SLC4A10: variants seen among roughly 807,000 people sequenced by gnomAD.
The protein encoded by SLC4A10 is solute carrier family 4 member 10.
Under a neutral mutation model 137.7 loss-of-function variants are expected in SLC4A10, and 42 were observed. That is an observed-to-expected ratio of 0.30 (90% CI 0.24 to 0.39). The LOEUF (loss-of-function observed/expected upper bound fraction) is 0.39, where lower values mean the gene tolerates loss of function less well. Ranked by LOEUF, SLC4A10 falls within the 10% of genes least tolerant of loss-of-function variation. The probability of loss-of-function intolerance (pLI) is 1.00; values close to 1 mark genes in which losing one functional copy is unlikely to be tolerated. For synonymous variants in SLC4A10, 474 were observed against 464.1 expected, an observed-to-expected ratio of 1.02 and a Z score of -0.27; for missense variants, 925 against 1,355.0, an observed-to-expected ratio of 0.68 and a Z score of 4.98.
At chr2:161,933,635 T>C (rs1216096937) in intron 15 of SLC4A10, among the ~76,000 whole-genome samples, 1 of 152,182 alleles carries the variant, frequency 6.6e-6, no homozygotes, top group Non-Finnish European at 1.5e-5. Context: ...CTTCAAGCAA[T>C]CCTCCTGCCT....
chr2:161,848,013 T>G (rs2059606973), intron 4 of SLC4A10, among the ~76,000 whole-genome samples: 1 of 152,182 alleles, frequency 6.6e-6, no homozygotes, highest in African/African-American at 2.4e-5. Context: ...GCATTCCCCT[T>G]CCTCTGCAAC....
chr2:161,652,336 T>A (rs1196177315), intron 1 of SLC4A10, among the ~76,000 whole-genome samples: 9 of 152,248 alleles, frequency 5.9e-5, no homozygotes, highest in African/African-American at 2.4e-5. Flanking sequence ...CTATGTTATT[T>A]ATTTTCTTGC....
intron 5 of SLC4A10, among the ~76,000 whole-genome samples, chr2:161,861,317 C>CA (rs1435410365): frequency 7.9e-5 from 12 of 151,962 alleles, no homozygotes; most frequent in East Asian, 3.9e-4. Flanking sequence ...GAGAAAGTCA[C>CA]AAAAAAACAA....
intron 1 of SLC4A10, among the ~76,000 whole-genome samples, chr2:161,765,802 T>C (rs1248684824): frequency 6.6e-6 from 1 of 152,022 alleles, no homozygotes; most frequent in Non-Finnish European, 1.5e-5. Context: ...CAGTACAAAA[T>C]GAAATGAAAA....
Position 161,771,118 on chromosome 2 carries a change from T to C in SLC4A10, c.130+64T>C, listed in dbSNP as rs1007388712. On this transcript the variant is annotated intron_variant, in intron 2 of 26. Coordinates refer to ENST00000446997, the MANE Select transcript of SLC4A10 (RefSeq NM_001178015.2). ...TCCAAAAGTATTTCACAGATAAATGTAGTTTGTCACATTGTGAAGAATTGC... is the reference window on the plus strand; with the variant it reads ...TCCAAAAGTATTTCACAGATAAATGCAGTTTGTCACATTGTGAAGAATTGC... The C allele has an allele frequency of 7.4e-5, 90 of 1,209,484 alleles. No homozygotes were observed. In the African/African-American group the frequency reaches 1.3e-3, roughly 17 times the overall value. 74.9% of individuals were successfully genotyped at this position (1,209,484 alleles called of 1,614,324 possible).
In SLC4A10 at chr2:161,983,447, A is replaced by C; in HGVS notation, c.*295A>C. 1.8e-6 allele frequency: 1 copy of C among 551,612 alleles called. No individual in the cohort carries two copies. The highest frequency in any genetic ancestry group is 3.4e-5 in the Admixed American group (1 of 29,168). 34.2% of individuals were successfully genotyped at this position (551,612 alleles called of 1,614,324 possible). ...TGTGAGCAGATACAATAGCCAATGC[A>C]AGAATCTGTGTGTTCCTTGCTGTAC... On this transcript the variant is annotated 3_prime_UTR_variant, in exon 27 of 27. Coordinates refer to ENST00000446997, the MANE Select transcript of SLC4A10 (RefSeq NM_001178015.2).
At chr2:161,664,746 T>C (rs2038855182) in intron 1 of SLC4A10, among the ~76,000 whole-genome samples, 1 of 151,470 alleles carries the variant, frequency 6.6e-6, no homozygotes, top group Non-Finnish European at 1.5e-5. Context: ...GTTGAGTTAA[T>C]ATAACATTAG....
chr2:161,910,943 A>G (rs62188825), intron 15 of SLC4A10, among the ~76,000 whole-genome samples: 10,174 of 152,036 alleles, frequency 0.067, 448 homozygotes, highest in East Asian at 0.13. Context: ...CCGTAGTCCC[A>G]GCATAATATT....
At chr2:161,710,742 G>A in intron 1 of SLC4A10, 1 of 454,056 alleles carries the variant, frequency 2.2e-6, no homozygotes, top group Non-Finnish European at 4.4e-6. Context: ...ACATCATAAA[G>A]GTTTTAAAGG....
chr2:161,671,129 C>A (rs372324087), intron 1 of SLC4A10, among the ~76,000 whole-genome samples: 4 of 152,086 alleles, frequency 2.6e-5, no homozygotes, highest in Non-Finnish European at 5.9e-5. Flanking sequence ...AAGGTGGCGC[C>A]TTTAAGAGAT....
chr2:161,864,749 A>G (rs552334424), intron 6 of SLC4A10, among the ~76,000 whole-genome samples: 1 of 152,286 alleles, frequency 6.6e-6, no homozygotes, highest in South Asian at 2.1e-4. Flanking sequence ...AAACATATTT[A>G]TATTCTAAAT....
chr2:161,778,766 T>C (rs938022993), intron 2 of SLC4A10, among the ~76,000 whole-genome samples: 11 of 151,954 alleles, frequency 7.2e-5, no homozygotes, highest in African/African-American at 2.7e-4. Context: ...AATTTAAAGA[T>C]ACTTTAAAAA....
At chr2:161,755,212 C>T (rs2049479015) in intron 1 of SLC4A10, among the ~76,000 whole-genome samples, 2 of 152,176 alleles carry the variant, frequency 1.3e-5, no homozygotes, top group Non-Finnish European at 2.9e-5. Flanking sequence ...TCCTCTAATT[C>T]TTCTTTGCTG....
chr2:161,766,300 C>A (rs1435868190), intron 1 of SLC4A10, among the ~76,000 whole-genome samples: 1 of 152,076 alleles, frequency 6.6e-6, no homozygotes, highest in South Asian at 2.1e-4. Context: ...ATCTTTCCAA[C>A]TATTTAATGG....
intron 1 of SLC4A10, among the ~76,000 whole-genome samples, chr2:161,740,537 T>C (rs1438906191): frequency 6.6e-6 from 1 of 152,192 alleles, no homozygotes; most frequent in Non-Finnish European, 1.5e-5. Flanking sequence ...GATAGCAAGG[T>C]ATTAAATGCC....
chr2:161,859,909 C>A (rs544265046), intron 5 of SLC4A10, among the ~76,000 whole-genome samples: 2 of 152,074 alleles, frequency 1.3e-5, no homozygotes, highest in African/African-American at 4.8e-5. Flanking sequence ...CTCTTATCAC[C>A]CAGATCCTGG....
At chr2:161,731,728 T>G (rs895895177) in intron 1 of SLC4A10, among the ~76,000 whole-genome samples, 1 of 152,180 alleles carries the variant, frequency 6.6e-6, no homozygotes, top group African/African-American at 2.4e-5. Context: ...TTATAATCTC[T>G]GTTTTTTGAT....
chr2:161,940,474 C>T (rs994925892), intron 15 of SLC4A10, among the ~76,000 whole-genome samples: 11 of 152,110 alleles, frequency 7.2e-5, no homozygotes, highest in Admixed American at 2.6e-4. Context: ...GATTATTGCC[C>T]ATGCTCAGCT....
chr2:161,893,993 T>A (rs990977766), intron 10 of SLC4A10, among the ~76,000 whole-genome samples: 41 of 151,972 alleles, frequency 2.7e-4, no homozygotes, highest in African/African-American at 9.4e-4. Context: ...AGGAGCCTAC[T>A]CAATGCATGT....
Sources: gnomAD v4.1 joint callset for allele counts (sites outside exome capture counted in the v4.1 genomes callset) on GRCh38, gnomAD v4.1.1 for gene constraint, MANE v1.5 for transcripts, NCBI Gene and HGNC (gene_info 2026-07-23, HGNC 2026-07-21) for gene names.